SEC31A: variants seen among roughly 807,000 people sequenced by gnomAD.
SEC31A encodes SEC31 homolog A, COPII component, also known as protein transport protein Sec31A.
SEC31A carries 70 observed loss-of-function variants against 151.0 expected under a neutral mutation model. The ratio of observed to expected loss-of-function variants is 0.46; its 90% CI spans 0.38 to 0.57. The LOEUF (loss-of-function observed/expected upper bound fraction) is 0.57, where lower values mean the gene tolerates loss of function less well. SEC31A is among the 20% of genes least tolerant of loss of function. The pLI is 0.00. For synonymous variants in SEC31A, 475 were observed against 505.9 expected, an observed-to-expected ratio of 0.94 and a Z score of 0.82; for missense variants, 1,330 against 1,471.2, an observed-to-expected ratio of 0.90 and a Z score of 1.57.
upstream of SEC31A, chr4:82,894,084 G>C (rs1011332568): frequency 6.6e-6 from 1 of 152,118 alleles, no homozygotes; most frequent in Non-Finnish European, 1.5e-5. Flanking sequence ...GGTCTTTCTC[G>C]GGGATTTTTC....
intron 26 of SEC31A, among the ~76,000 whole-genome samples, chr4:82,820,129 TTC>T (rs1432095480): frequency 8.2e-6 from 1 of 122,200 alleles, no homozygotes; most frequent in Non-Finnish European, 1.7e-5. Flanking sequence ...TAATTGTATC[TTC>T]TGTTTTTTTT....
upstream of SEC31A, among the ~76,000 whole-genome samples, chr4:82,892,674 T>C (rs1212134234): frequency 6.6e-6 from 1 of 152,184 alleles, no homozygotes; most frequent in African/African-American, 2.4e-5. Flanking sequence ...CAGTAACAAA[T>C]CAACAAACTT....
intron 19 of SEC31A, among the ~76,000 whole-genome samples, chr4:82,849,240 A>C (rs889497168): frequency 6.6e-6 from 1 of 152,210 alleles, no homozygotes; most frequent in Non-Finnish European, 1.5e-5. Context: ...GTTACTATGC[A>C]AGACCAATAT....
intron 3 of SEC31A, among the ~76,000 whole-genome samples, chr4:82,896,853 T>C (rs746659764): frequency 1.3e-4 from 20 of 152,118 alleles, no homozygotes; most frequent in Non-Finnish European, 2.4e-4. Flanking sequence ...TTGAAGGAGT[T>C]TGACCTTTTT....
chr4:82,830,905 A>G, intron 22 of SEC31A: 1 of 1,089,074 alleles, frequency 9.2e-7, no homozygotes, highest in Non-Finnish European at 1.2e-6. Context: ...TTATTCAAAG[A>G]TTTCCAAAGG....
At chr4:82,857,636 T>C (rs1732963757) in intron 15 of SEC31A, 53 bp downstream of exon 15, 7 of 1,159,964 alleles carry the variant, frequency 6.0e-6, no homozygotes, top group Non-Finnish European at 9.0e-6. Flanking sequence ...GCAGGAACTA[T>C]TTGTTTTCCA....
At chr4:82,885,338 TTTCA>T (rs1740442421) in intron 1 of SEC31A, among the ~76,000 whole-genome samples, 1 of 152,196 alleles carries the variant, frequency 6.6e-6, no homozygotes, top group South Asian at 2.1e-4. Context: ...TTAAAAAGTC[TTTCA>T]TTGTCTGTTT....
chr4:82,872,952 A>G (rs1427137063), intron 6 of SEC31A, among the ~76,000 whole-genome samples: 1 of 152,152 alleles, frequency 6.6e-6, no homozygotes, highest in Non-Finnish European at 1.5e-5. Context: ...CAATTCGCCC[A>G]CCTCGGCCTC....
upstream of SEC31A, among the ~76,000 whole-genome samples, chr4:82,892,261 C>G (rs1318810115): frequency 6.6e-6 from 1 of 152,228 alleles, no homozygotes; most frequent in African/African-American, 2.4e-5. Context: ...GCTAGTCAAA[C>G]TGATTGGGAT....
chr4:82,824,561 T>C lies in SEC31A; in HGVS notation c.3405A>G (p.Thr1135=). 6.2e-7 allele frequency: 1 copy of C among 1,613,436 alleles called. No individual in the cohort carries two copies. Among genetic ancestry groups the C allele is most frequent in the Non-Finnish European group, 8.5e-7 (1 of 1,179,816 alleles). The part of the protein sequence containing the change: ...DLIQRCLSSA[T]DPQTKRKLDD... The stretch of plus-strand genomic sequence containing the variant: ...TAAAAAAATAAATACATACAGGGTC[T>C]GTTGCTGAAGAAAGGCAGCGCTGAA... Residue 1135 remains threonine (T), a synonymous_variant, in exon 25 of 27, where the codon ACA becomes ACG. Coordinates refer to ENST00000395310, the MANE Select transcript of SEC31A (RefSeq NM_001077207.4).
intron 22 of SEC31A, among the ~76,000 whole-genome samples, chr4:82,839,788 C>T (rs1027268922): frequency 1.3e-5 from 2 of 152,220 alleles, no homozygotes; most frequent in African/African-American, 4.8e-5. Flanking sequence ...AAAGTGTTGT[C>T]TGGCTTCCTC....
At position 82,842,167 on chromosome 4, in the gene SEC31A, T is replaced by A. The variant is rs1422089616; in HGVS notation, c.2941A>T (p.Ser981Cys). 6.4e-7 allele frequency: 1 copy of A among 1,572,176 alleles called. No homozygotes were observed. Among genetic ancestry groups the A allele is most frequent in the Non-Finnish European group, 8.6e-7 (1 of 1,157,408 alleles). ...PGTTGTLPAASELPASQRTGP... is the reference protein window; with the variant it reads ...PGTTGTLPAACELPASQRTGP... ...GTTCTTTGGGACGCAGGCAGCTCAC[T>A]GGCAGCAGGCAGTGTACCTGTTGTT... Residue 981 changes from serine (S) to cysteine (C), a missense_variant, in exon 22 of 27, where the codon AGT becomes TGT. Physicochemically the swap from Ser to Cys is moderately radical, Grantham distance 112. Coordinates refer to ENST00000395310, the MANE Select transcript of SEC31A (RefSeq NM_001077207.4).
At chr4:82,863,097 T>C (rs1734544514) in intron 12 of SEC31A, 2 of 456,614 alleles carry the variant, frequency 4.4e-6, no homozygotes, top group Non-Finnish European at 7.6e-6. Flanking sequence ...GAAAGGCTAA[T>C]ACAAGTTACA....
chr4:82,860,159 G>C (rs1229068924), intron 14 of SEC31A, among the ~76,000 whole-genome samples: 1 of 151,668 alleles, frequency 6.6e-6, no homozygotes, highest in Admixed American at 6.6e-5. Context: ...CTTATTTATG[G>C]ACTTCTGAAC....
chr4:82,889,954 G>C (rs1741920869), intron 1 of SEC31A, among the ~76,000 whole-genome samples: 1 of 152,048 alleles, frequency 6.6e-6, no homozygotes, highest in Non-Finnish European at 1.5e-5. Flanking sequence ...TAGGCTGGGC[G>C]TGGTGGCTTA....
At chr4:82,824,082 T>G (rs559825214) in intron 25 of SEC31A, among the ~76,000 whole-genome samples, 2 of 152,354 alleles carry the variant, frequency 1.3e-5, no homozygotes, top group African/African-American at 4.8e-5. Context: ...TTAAATATAT[T>G]TCTATATGTA....
At chr4:82,847,396 T>C (rs547571569) in intron 20 of SEC31A, among the ~76,000 whole-genome samples, 1 of 152,372 alleles carries the variant, frequency 6.6e-6, no homozygotes, top group South Asian at 2.1e-4. Context: ...ACTTTGTCTT[T>C]TCCTACAAGT....
upstream of SEC31A, chr4:82,892,885 T>C: frequency 6.6e-6 from 1 of 152,224 alleles, no homozygotes; most frequent in African/African-American, 2.4e-5. Context: ...ATATTGGAAC[T>C]GTGCAAAGAC....
At chr4:82,866,075 GAAAAA>G (rs929172614) in intron 10 of SEC31A, among the ~76,000 whole-genome samples, 2 of 131,618 alleles carry the variant, frequency 1.5e-5, no homozygotes, top group Non-Finnish European at 1.6e-5. Flanking sequence ...AAAAAGAAAA[GAAAAA>G]AAGAAGAAAA....
Sources: gnomAD v4.1 joint callset for allele counts (sites outside exome capture counted in the v4.1 genomes callset) on GRCh38, gnomAD v4.1.1 for gene constraint, MANE v1.5 for transcripts, NCBI Gene and HGNC (gene_info 2026-07-23, HGNC 2026-07-21) for gene names.